PRELID2: variants seen among roughly 807,000 people sequenced by gnomAD.
PRELID2 encodes PRELI domain containing 2.
Under a neutral mutation model 28.4 loss-of-function variants are expected in PRELID2, and 25 were observed. The ratio of observed to expected loss-of-function variants is 0.88; its 90% confidence interval spans 0.64 to 1.23. The LOEUF is 1.23. Ranked by LOEUF, PRELID2 falls within the 50% of genes most tolerant of loss-of-function variation. The pLI is 0.00. For synonymous variants in PRELID2, 76 were observed against 71.6 expected (o/e 1.06, Z -0.31); for missense variants, 201 against 214.4 (o/e 0.94, Z 0.39).
In PRELID2 at chr5:145,743,411, C is replaced by CA. The variant is rs59424142; in HGVS notation, n.70+21519dup. The stretch of plus-strand genomic sequence containing the variant: ...GGGCAATGAGAGTGAAACTCTGCGG[C>CA]AAAAAAAAAAAAAAAAAAAGAAAGA... On this transcript the variant is annotated intron_variant and non_coding_transcript_variant, in intron 1 of 2. Coordinates refer to the PRELID2 transcript ENST00000510259. 5.3e-3 allele frequency among the ~76,000 whole-genome samples: 541 copies of CA among 101,744 alleles called. 3 individuals carry two copies. Among genetic ancestry groups the CA allele is most frequent in the African/African-American group, 0.017 (450 of 26,646 alleles). The allele number at this position is 101,744 out of a possible 152,430, so 66.7% of individuals were successfully genotyped here.
intron 1 of PRELID2, among the ~76,000 whole-genome samples, chr5:145,514,318 C>CAAAAAA (rs55760860): frequency 8.9e-5 from 6 of 67,490 alleles, no homozygotes; most frequent in African/African-American, 3.4e-4. Context: ...AAATGGAAAG[C>CAAAAAA]AAAAAAAAAA....
chr5:145,598,045 G>C (rs1024708523), intron 1 of PRELID2, among the ~76,000 whole-genome samples: 1 of 152,180 alleles, frequency 6.6e-6, no homozygotes, highest in Non-Finnish European at 1.5e-5. Flanking sequence ...CCATGGGTTA[G>C]ATTGGCCTGG....
At chr5:145,595,573 T>C (rs190363480) in intron 1 of PRELID2, among the ~76,000 whole-genome samples, 1 of 152,304 alleles carries the variant, frequency 6.6e-6, no homozygotes, top group East Asian at 1.9e-4. Context: ...TATTGTAGTG[T>C]ATGCCATACC....
At chr5:145,798,800 A>T (rs979351777) in intron 4 of PRELID2, among the ~76,000 whole-genome samples, 1 of 152,108 alleles carries the variant, frequency 6.6e-6, no homozygotes, top group East Asian at 1.9e-4. Flanking sequence ...ACATGTTCTC[A>T]CTCATAGATG....
chr5:145,545,478 A>G (rs1234378096), intron 1 of PRELID2, among the ~76,000 whole-genome samples: 5 of 151,896 alleles, frequency 3.3e-5, no homozygotes, highest in Admixed American at 2.6e-4. Context: ...TTTTCAAAGT[A>G]AAACATGATA....
the PRELID2 span, among the ~76,000 whole-genome samples, chr5:145,431,286 T>A: frequency 9.6e-4 from 146 of 152,232 alleles, 2 homozygotes; most frequent in Non-Finnish European, 7.5e-4. Flanking sequence ...TGTTTCAGCA[T>A]AGACAATTTG....
At chr5:145,815,720 T>G (rs558257718) in intron 4 of PRELID2, among the ~76,000 whole-genome samples, 73 of 152,382 alleles carry the variant, frequency 4.8e-4, no homozygotes, top group African/African-American at 1.8e-3. Context: ...TTTGTCCATG[T>G]TTAACCATGA....
At chr5:145,482,534 T>TCA in intron 1 of PRELID2, among the ~76,000 whole-genome samples, 1 of 152,242 alleles carries the variant, frequency 6.6e-6, no homozygotes, top group South Asian at 2.1e-4. Flanking sequence ...CCACATTATC[T>TCA]CACACAGCAG....
At chr5:145,460,930 G>C in the PRELID2 span, among the ~76,000 whole-genome samples, 36 of 152,340 alleles carry the variant, frequency 2.4e-4, no homozygotes, top group African/African-American at 8.7e-4. Flanking sequence ...GTGGCAGGAT[G>C]ATCTAACTTT....
At chr5:145,353,066 C>G in the PRELID2 span, among the ~76,000 whole-genome samples, 1 of 152,176 alleles carries the variant, frequency 6.6e-6, no homozygotes, top group East Asian at 1.9e-4. Flanking sequence ...TGTTACCCAG[C>G]TCCAAAGTCA....
intron 5 of PRELID2, among the ~76,000 whole-genome samples, chr5:145,784,141 G>A (rs962103327): frequency 1.3e-4 from 20 of 151,654 alleles, no homozygotes; most frequent in Admixed American, 5.9e-4. Flanking sequence ...AAAATTAGCC[G>A]GGCATGGTGG....
At chr5:145,564,745 A>G (rs960571337) in intron 1 of PRELID2, among the ~76,000 whole-genome samples, 7 of 152,222 alleles carry the variant, frequency 4.6e-5, no homozygotes, top group African/African-American at 1.4e-4. Context: ...AAATATTCCA[A>G]TTGATGGAAG....
the PRELID2 span, among the ~76,000 whole-genome samples, chr5:145,291,059 G>A: frequency 5.3e-5 from 8 of 151,918 alleles, no homozygotes; most frequent in African/African-American, 1.4e-4. Context: ...AAAAAAAGGG[G>A]TCGGACGCGG....
the PRELID2 span, among the ~76,000 whole-genome samples, chr5:145,297,308 G>A: frequency 6.6e-6 from 1 of 152,026 alleles, no homozygotes; most frequent in East Asian, 1.9e-4. Context: ...TTTTCTTCTA[G>A]GGTTTTTATG....
At chr5:145,319,876 G>A in the PRELID2 span, among the ~76,000 whole-genome samples, 1 of 152,202 alleles carries the variant, frequency 6.6e-6, no homozygotes, top group East Asian at 1.9e-4. Context: ...TTTTACCAGA[G>A]CAGTACTTTG....
At chr5:145,654,082 A>G (rs1410770829) in intron 1 of PRELID2, among the ~76,000 whole-genome samples, 1 of 152,252 alleles carries the variant, frequency 6.6e-6, no homozygotes, top group African/African-American at 2.4e-5. Context: ...CACCGATCCC[A>G]CAGAAATACA....
chr5:145,388,010 A>G, the PRELID2 span, among the ~76,000 whole-genome samples: 1 of 152,062 alleles, frequency 6.6e-6, no homozygotes, highest in South Asian at 2.1e-4. Flanking sequence ...ATATTTAAAG[A>G]GGCTTATCAT....
the PRELID2 span, chr5:145,229,999 A>G: frequency 5.5e-6 from 4 of 730,508 alleles, no homozygotes; most frequent in African/African-American, 3.4e-5. Context: ...ATCAACATCA[A>G]CTCCCTCAGA....
the PRELID2 span, among the ~76,000 whole-genome samples, chr5:145,425,500 C>T: frequency 2.0e-5 from 3 of 152,132 alleles, no homozygotes; most frequent in South Asian, 2.1e-4. Context: ...AACATAGAAT[C>T]GATCTAAATG....
Sources: allele counts gnomAD v4.1 joint callset (sites outside exome capture counted in the v4.1 genomes callset), GRCh38; gene constraint gnomAD v4.1.1; transcripts MANE v1.5; gene names NCBI Gene and HGNC (gene_info 2026-07-23, HGNC 2026-07-21).